The following NDST1 variants were observed in gnomAD, a reference collection of about 807,000 sequenced individuals.
The protein encoded by NDST1 is N-deacetylase and N-sulfotransferase 1.
In NDST1, 35 loss-of-function variants were observed where a neutral mutation model predicts 92.8. That is an observed-to-expected ratio of 0.38 (90% CI 0.29 to 0.50). NDST1 has a LOEUF of 0.50. Among genes scored for constraint, NDST1 ranks in the 20% least tolerant of loss-of-function variants. The probability of loss-of-function intolerance (pLI) is 0.94; values close to 1 mark genes in which losing one functional copy is unlikely to be tolerated. For missense variants in NDST1, 822 were observed against 1,182.7 expected (o/e 0.69, Z 4.47); for synonymous variants, 493 against 500.3 (o/e 0.99, Z 0.19).
chr5:150,510,419 G>T (rs1357151476), intron 1 of NDST1, among the ~76,000 whole-genome samples: 1 of 152,206 alleles, frequency 6.6e-6, no homozygotes, highest in African/African-American at 2.4e-5. Flanking sequence ...GCCCCATTTT[G>T]GGAAGATTTG....
intron 3 of NDST1, among the ~76,000 whole-genome samples, chr5:150,532,707 A>G (rs913843896): frequency 6.6e-6 from 1 of 152,044 alleles, no homozygotes; most frequent in Non-Finnish European, 1.5e-5. Flanking sequence ...TTGTATTTCC[A>G]GTAGAGACTG....
chr5:150,535,858 C>T lies in NDST1; in HGVS notation c.1410C>T (p.Arg470=). Residue 470 remains arginine, a synonymous_variant, in exon 6 of 15, where the codon CGC becomes CGT. Transcript: ENST00000261797. ...EYPHLKPARY[R]RGFIHNGIMV... ...CCCACCTGAAGCCAGCCCGCTACCG[C>T]CGTGGCTTCATCCACAATGGCATCA... 6.2e-7 allele frequency: 1 copy of T among 1,613,876 alleles called. No homozygotes were observed. Among genetic ancestry groups the T allele is most frequent in the Non-Finnish European group, 8.5e-7 (1 of 1,179,930 alleles).
chr5:150,538,757 G>A (rs1002449168), intron 6 of NDST1, among the ~76,000 whole-genome samples: 1 of 152,176 alleles, frequency 6.6e-6, no homozygotes, highest in Non-Finnish European at 1.5e-5. Context: ...GAACTCCAGG[G>A]ATGAGGTGGT....
chr5:150,538,542 G>A (rs1448593290), intron 6 of NDST1, among the ~76,000 whole-genome samples: 1 of 152,232 alleles, frequency 6.6e-6, no homozygotes, highest in East Asian at 1.9e-4. Context: ...GTTAGATATA[G>A]GGTGTGGGAG....
intron 2 of NDST1, among the ~76,000 whole-genome samples, chr5:150,526,821 G>A (rs1754497820): frequency 6.6e-6 from 1 of 152,164 alleles, no homozygotes; most frequent in Non-Finnish European, 1.5e-5. Flanking sequence ...GGCTGAGAGG[G>A]TGAGGAAGGT....
In NDST1 at chr5:150,558,189, A is replaced by G. The variant is rs1291360763; in HGVS notation, c.*4857A>G. The G allele has an allele frequency of 2.0e-5, 3 of 152,604 alleles. No individual in the cohort carries two copies. The highest frequency in any genetic ancestry group is 7.2e-5 in the African/African-American group (3 of 41,434). The allele number at this position is 152,604 out of a possible 1,614,324, so 9.5% of individuals were successfully genotyped here. A position where few individuals can be genotyped will look rare whatever the true frequency, so the allele number is the denominator to read the frequency against. On this transcript the variant is annotated 3_prime_UTR_variant, in exon 15 of 15. Transcript: ENST00000261797. ...AATGTACAATCTCGAACTAACTGCTAATAAAGTGGGGTTCTGTTTGTACAC... is the reference window on the plus strand; with the variant it reads ...AATGTACAATCTCGAACTAACTGCTGATAAAGTGGGGTTCTGTTTGTACAC...
intron 4 of NDST1, 145 bp from the exon 5 acceptor site, chr5:150,534,722 G>C (rs1452023200): frequency 1.0e-6 from 1 of 955,040 alleles, no homozygotes; most frequent in African/African-American, 1.6e-5. Flanking sequence ...CTGGGGCTCT[G>C]TCTGCTCCTG....
intron 12 of NDST1, 92 bp downstream of exon 12, chr5:150,548,480 G>A: frequency 1.4e-6 from 2 of 1,408,958 alleles, no homozygotes; most frequent in Admixed American, 1.9e-5. Flanking sequence ...ACCAGCCGTG[G>A]GGACAGATAT....
Position 150,549,773 on chromosome 5 carries a change from C to T in NDST1, c.2412C>T (p.Tyr804=). 6.2e-7 allele frequency: 1 copy of T among 1,609,064 alleles called. No homozygotes were observed. Among genetic ancestry groups the T allele is most frequent in the Non-Finnish European group, 8.5e-7 (1 of 1,175,408 alleles). Residue 804 remains tyrosine, a synonymous_variant, in exon 13 of 15, where the codon TAC becomes TAT. Transcript: ENST00000261797. ...TTGGGGTGACCAACACCATTGACTA[C>T]CACAAAACCTTGGCGTGAGTGTTGC... ...KFLGVTNTID[Y]HKTLAFDPKK...
chr5:150,511,136 T>TGTG (rs1753702918), intron 1 of NDST1, among the ~76,000 whole-genome samples: 1 of 152,176 alleles, frequency 6.6e-6, no homozygotes, highest in Non-Finnish European at 1.5e-5. Context: ...GTCATGGTGC[T>TGTG]GTGGTAAGGT....
intron 1 of NDST1, among the ~76,000 whole-genome samples, chr5:150,510,258 A>C (rs1032088377): frequency 2.6e-5 from 4 of 152,242 alleles, no homozygotes; most frequent in Non-Finnish European, 2.9e-5. Context: ...GCAGGAGCTT[A>C]ACGTTGGCCG....
chr5:150,535,571 C>G, intron 5 of NDST1, 129 bp from the exon 6 acceptor site: 1 of 1,261,764 alleles, frequency 7.9e-7, no homozygotes, highest in Non-Finnish European at 1.1e-6. Flanking sequence ...CCCATCTTAC[C>G]ATGAAGTCTC....
At position 150,553,969 on chromosome 5, in the gene NDST1, G is replaced by A. The variant is rs947764909; in HGVS notation, c.*637G>A. ...ATCCACTCCATCCTCAAGGCTTCCCGCAGGGCCTTGGGGCACTGCCTTGCC... is the reference window on the plus strand; with the variant it reads ...ATCCACTCCATCCTCAAGGCTTCCCACAGGGCCTTGGGGCACTGCCTTGCC... On this transcript the variant is annotated 3_prime_UTR_variant, in exon 15 of 15. Coordinates refer to ENST00000261797, the MANE Select transcript of NDST1 (RefSeq NM_001543.5). The surrounding 1 kb of genome is among the most constrained non-coding windows in gnomAD (Gnocchi z 4.2). 34 of 409,664 alleles carry A rather than the reference G, an allele frequency of 8.3e-5. No homozygotes were observed. The highest frequency in any genetic ancestry group is 1.4e-4 in the Non-Finnish European group (32 of 231,272). 25.4% of individuals were successfully genotyped at this position (409,664 alleles called of 1,614,324 possible).
intron 4 of NDST1, 81 bp downstream of exon 4, chr5:150,533,113 G>A (rs1754817848): frequency 8.7e-6 from 12 of 1,385,982 alleles, no homozygotes; most frequent in Non-Finnish European, 3.1e-6. Flanking sequence ...CATCCATGAG[G>A]GCAGCGGGTG....
At chr5:150,504,427 C>T (rs1753361792), upstream of NDST1, among the ~76,000 whole-genome samples, 1 of 152,216 alleles carries the variant, frequency 6.6e-6, no homozygotes, top group South Asian at 2.1e-4. Flanking sequence ...AGACTCCTGG[C>T]CTTCTGCCTG....
In NDST1 at chr5:150,551,807, G is replaced by A. The variant is rs757946146; in HGVS notation, c.2481G>A (p.Lys827=). ...AACTGCTTGAAGGAGGAAAAACCAA[G>A]TGTCTGGGCAAAAGCAAGGGCCGGA... The part of the protein sequence containing the change: ...WCQLLEGGKT[K]CLGKSKGRKY... The change falls in exon 14 of 15, where the codon AAG becomes AAA. Residue 827 remains lysine, a synonymous_variant. Coordinates refer to ENST00000261797, the MANE Select transcript of NDST1 (RefSeq NM_001543.5). 12 of 1,613,676 alleles carry A rather than the reference G, an allele frequency of 7.4e-6. No homozygotes were observed.
chr5:150,551,405 AAAAG>A (rs888929943), intron 13 of NDST1, among the ~76,000 whole-genome samples: 22 of 152,318 alleles, frequency 1.4e-4, no homozygotes, highest in African/African-American at 4.6e-4. Context: ...TTAAAAAAAA[AAAAG>A]AGTTACTCAG....
intron 2 of NDST1, among the ~76,000 whole-genome samples, chr5:150,525,136 G>A (rs1318361903): frequency 6.6e-6 from 1 of 152,098 alleles, no homozygotes; most frequent in Non-Finnish European, 1.5e-5. Context: ...TCCGGAGTGG[G>A]TACTCAGTGG....
chr5:150,548,440 T>C, intron 12 of NDST1, 52 bp downstream of exon 12: 1 of 1,588,952 alleles, frequency 6.3e-7, no homozygotes, highest in Non-Finnish European at 8.5e-7. Flanking sequence ...TGGCTTGCTG[T>C]GGTTAGCGGA....
Sources: gnomAD v4.1 joint callset for allele counts (sites outside exome capture counted in the v4.1 genomes callset) on GRCh38, gnomAD v4.1.1 for gene constraint, Gnocchi (gnomAD v3.1) non-coding constraint, MANE v1.5 for transcripts, NCBI Gene and HGNC (gene_info 2026-07-23, HGNC 2026-07-21) for gene names.